The following TMEM132B variants were observed in gnomAD, a reference collection of about 807,000 sequenced individuals.
TMEM132B encodes the protein transmembrane protein 132B.
In TMEM132B, 18 loss-of-function variants were observed where a neutral mutation model predicts 90.8. The ratio of observed to expected loss-of-function variants is 0.20; its 90% CI spans 0.14 to 0.29. TMEM132B has a LOEUF of 0.29. Among genes scored for constraint, TMEM132B ranks in the 10% least tolerant of loss-of-function variants. The pLI is 1.00. For synonymous variants in TMEM132B, 504 were observed against 523.3 expected, an observed-to-expected ratio of 0.96 and a Z score of 0.50; for missense variants, 1,096 against 1,326.8, an observed-to-expected ratio of 0.83 and a Z score of 2.70.
chr12:125,611,177 CTGTT>C (rs1885816143), intron 5 of TMEM132B, among the ~76,000 whole-genome samples: 1 of 152,074 alleles, frequency 6.6e-6, no homozygotes. Flanking sequence ...GTTACGCAAT[CTGTT>C]TGCACACAAG....
At chr12:125,255,310 T>G (rs1258255735) in intron 1 of TMEM132B, among the ~76,000 whole-genome samples, 1 of 151,552 alleles carries the variant, frequency 6.6e-6, no homozygotes, top group Non-Finnish European at 1.5e-5. Context: ...TCACCCCCCC[T>G]CCTCTCTTCT....
At chr12:125,590,949 C>A (rs947118349) in intron 5 of TMEM132B, among the ~76,000 whole-genome samples, 1 of 152,150 alleles carries the variant, frequency 6.6e-6, no homozygotes, top group Non-Finnish European at 1.5e-5. Flanking sequence ...CCTATGACCT[C>A]AACCTCTGTA....
At chr12:125,558,822 C>G (rs374051455) in intron 4 of TMEM132B, among the ~76,000 whole-genome samples, 1 of 152,184 alleles carries the variant, frequency 6.6e-6, no homozygotes. Flanking sequence ...ATTACTGTTT[C>G]TAGCCATGTT....
chr12:125,648,327 G>A (rs74241491), intron 6 of TMEM132B, among the ~76,000 whole-genome samples: 34 of 152,040 alleles, frequency 2.2e-4, no homozygotes, highest in East Asian at 1.2e-3. Flanking sequence ...GGTTAAAAGC[G>A]GTCAGGGTAA....
At chr12:125,502,547 G>A (rs1882728493) in intron 3 of TMEM132B, among the ~76,000 whole-genome samples, 1 of 152,116 alleles carries the variant, frequency 6.6e-6, no homozygotes, top group African/African-American at 2.4e-5. Flanking sequence ...TAGTCACCTG[G>A]GCCCACCCAA....
At chr12:125,403,087 C>A (rs1003912218) in intron 2 of TMEM132B, among the ~76,000 whole-genome samples, 5 of 152,128 alleles carry the variant, frequency 3.3e-5, no homozygotes, top group African/African-American at 1.2e-4. Context: ...GCATACCCTG[C>A]AAAACTGAGT....
Position 125,408,396 on chromosome 12 carries a change from T to C in TMEM132B, c.960-7135T>C, listed in dbSNP as rs979453305. Among the ~76,000 whole-genome samples, 1 of 152,102 alleles carries C rather than the reference T, an allele frequency of 6.6e-6. No homozygotes were observed. The highest frequency in any genetic ancestry group is 1.5e-5 in the Non-Finnish European group (1 of 68,014). On this transcript the variant is annotated intron_variant, in intron 2 of 8. Coordinates refer to ENST00000682704, the MANE Select transcript of TMEM132B (RefSeq NM_001366854.1). The surrounding 1 kb of genome is among the most constrained non-coding windows in gnomAD (Gnocchi z 5.9). The stretch of plus-strand genomic sequence containing the variant: ...AGGTCATCTCCCTAAAGGAATGGGA[T>C]TAATGCCCTTATAAAAGAGGTTTGA...
At chr12:125,601,946 A>C (rs1216235534) in intron 5 of TMEM132B, among the ~76,000 whole-genome samples, 1 of 152,202 alleles carries the variant, frequency 6.6e-6, no homozygotes, top group Non-Finnish European at 1.5e-5. Flanking sequence ...ACCAATAACA[A>C]GTTCTGAAAT....
intron 2 of TMEM132B, among the ~76,000 whole-genome samples, chr12:125,376,840 A>G (rs1387303369): frequency 6.6e-6 from 1 of 152,250 alleles, no homozygotes; most frequent in Non-Finnish European, 1.5e-5. Flanking sequence ...CCCCAGGCAC[A>G]TCACAGTGAT....
At chr12:125,200,795 T>G (rs1022633049) in intron 1 of TMEM132B, among the ~76,000 whole-genome samples, 2 of 152,204 alleles carry the variant, frequency 1.3e-5, no homozygotes, top group African/African-American at 4.8e-5. Flanking sequence ...AATCCAGACC[T>G]CTTGCCCAAG....
At chr12:125,528,799 T>C (rs1312700695) in intron 4 of TMEM132B, among the ~76,000 whole-genome samples, 2 of 152,218 alleles carry the variant, frequency 1.3e-5, no homozygotes, top group Non-Finnish European at 2.9e-5. Flanking sequence ...TTGCATGTTA[T>C]ATGTGCTATA....
chr12:125,515,299 TAC>T (rs1163018524), intron 3 of TMEM132B, among the ~76,000 whole-genome samples: 8 of 149,702 alleles, frequency 5.3e-5, no homozygotes, highest in Admixed American at 4.6e-4. Context: ...CACACACTCA[TAC>T]ACACTATTCA....
chr12:125,250,614 A>G (rs894364621), intron 1 of TMEM132B, among the ~76,000 whole-genome samples: 8 of 152,240 alleles, frequency 5.3e-5, no homozygotes, highest in Non-Finnish European at 1.2e-4. Context: ...AGTGTGCTCC[A>G]AGAGGTGCAG....
chr12:125,496,061 C>T (rs541836785), intron 3 of TMEM132B, among the ~76,000 whole-genome samples: 1 of 152,314 alleles, frequency 6.6e-6, no homozygotes, highest in Admixed American at 6.5e-5. Flanking sequence ...CTCCTGGAAT[C>T]GCATTGTCAT....
At chr12:125,244,939 C>T (rs1447472143) in intron 1 of TMEM132B, among the ~76,000 whole-genome samples, 2 of 152,178 alleles carry the variant, frequency 1.3e-5, no homozygotes, top group Non-Finnish European at 2.9e-5. Context: ...CCTCTCTCGG[C>T]TTCCCCCTCA....
Position 125,490,154 on chromosome 12 carries a change from C to T in TMEM132B, c.1107-29285C>T, listed in dbSNP as rs1387649276. Among the ~76,000 whole-genome samples the T allele has an allele frequency of 2.0e-5, 3 of 152,152 alleles. No individual in the cohort carries two copies. Among genetic ancestry groups the T allele is most frequent in the Admixed American group, 6.5e-5 (1 of 15,280 alleles). ...CTCTTAGTAGTAACTAAAATACTAA[C>T]GACATTAAGTTGAATTCTTACTGTG... is the stretch of plus-strand genomic sequence containing the variant. On this transcript the variant is annotated intron_variant, in intron 3 of 8. Transcript: ENST00000682704. The surrounding 1 kb of genome is among the most constrained non-coding windows in gnomAD (Gnocchi z 4.2).
At position 125,654,825 on chromosome 12, in the gene TMEM132B, G is replaced by T. The variant is rs756835966; in HGVS notation, c.*115G>T. On this transcript the variant is annotated 3_prime_UTR_variant, in exon 9 of 9. Coordinates refer to ENST00000682704, the MANE Select transcript of TMEM132B (RefSeq NM_001366854.1). This position sits in a 1 kb window ranked among gnomAD's most constrained non-coding sequence, Gnocchi z 5.8. ...ACAAAGTTTGATTTGTGGAGGTCTG[G>T]TGGGATTCATTTCTAAGCAGGTAAA... The T allele has an allele frequency of 1.2e-5, 15 of 1,247,848 alleles. No individual in the cohort carries two copies. Among genetic ancestry groups the T allele is most frequent in the Admixed American group, 2.5e-5 (1 of 40,382 alleles). 77.3% of individuals were successfully genotyped at this position (1,247,848 alleles called of 1,614,324 possible).
rs1877478804 is a variant in TMEM132B, at chr12:125,349,441, T to C, written c.68-11T>C. The C allele has an allele frequency of 6.3e-7, 1 of 1,590,656 alleles. No homozygotes were observed. The highest frequency in any genetic ancestry group is 8.6e-7 in the Non-Finnish European group (1 of 1,168,704). ...CACGGTTTTATTCTTTTGCTTTCCT[T>C]TCTTGTGCAGTGACAGAGAGTCGAG... On this transcript the variant is annotated splice_polypyrimidine_tract_variant and intron_variant, in intron 1 of 8. Coordinates refer to ENST00000682704, the MANE Select transcript of TMEM132B (RefSeq NM_001366854.1). The surrounding 1 kb of genome is among the most constrained non-coding windows in gnomAD (Gnocchi z 4.1).
At chr12:125,529,935 C>T (rs750809499) in intron 4 of TMEM132B, among the ~76,000 whole-genome samples, 18 of 152,094 alleles carry the variant, frequency 1.2e-4, no homozygotes, top group Non-Finnish European at 2.5e-4. Context: ...TCTACATTCT[C>T]ATATATATAT....
Sources: allele counts gnomAD v4.1 joint callset (sites outside exome capture counted in the v4.1 genomes callset), GRCh38; gene constraint gnomAD v4.1.1; non-coding constraint Gnocchi (gnomAD v3.1); transcripts MANE v1.5; gene names NCBI Gene and HGNC (gene_info 2026-07-23, HGNC 2026-07-21).